The following CRLF3 variants were observed in gnomAD, a reference collection of about 807,000 sequenced individuals.
The protein encoded by CRLF3 is cytokine receptor-like factor 3.
Under a neutral mutation model 55.0 loss-of-function variants are expected in CRLF3, and 33 were observed. The observed-to-expected ratio is 0.60, with a 90% CI of 0.46 to 0.80. The LOEUF (loss-of-function observed/expected upper bound fraction) is 0.80. Among genes scored for constraint, CRLF3 ranks in the 30% least tolerant of loss-of-function variants. The pLI, the probability that CRLF3 is intolerant of heterozygous loss-of-function variation, is 0.00. For missense variants in CRLF3, 494 were observed against 538.4 expected, an observed-to-expected ratio of 0.92 and a Z score of 0.82; for synonymous variants, 238 against 196.8, an observed-to-expected ratio of 1.21 and a Z score of -1.75.
chr17:30,796,771 T>G (rs981626378), intron 3 of CRLF3, among the ~76,000 whole-genome samples: 2 of 150,884 alleles, frequency 1.3e-5, no homozygotes, highest in Non-Finnish European at 3.0e-5. Context: ...TCCCCTAGGC[T>G]GGAGTGCTGT....
chr17:30,792,651 T>A, intron 5 of CRLF3, 79 bp from the exon 6 acceptor site: 1 of 1,337,066 alleles, frequency 7.5e-7, no homozygotes, highest in Non-Finnish European at 1.0e-6. Flanking sequence ...AAATAAAACA[T>A]GGAAATGGGA....
intron 2 of CRLF3, among the ~76,000 whole-genome samples, 173 bp from the exon 3 acceptor site, chr17:30,797,571 T>A (rs1055908177): frequency 6.6e-6 from 1 of 152,094 alleles, no homozygotes; most frequent in African/African-American, 2.4e-5. Context: ...GACTCTAAGA[T>A]CAAATCCAAG....
Position 30,784,557 on chromosome 17 carries a change from T to A in CRLF3, c.1073-114A>T. 3.3e-6 allele frequency: 3 copies of A among 915,542 alleles called. 1 individual carries two copies. Among genetic ancestry groups the A allele is most frequent in the Non-Finnish European group, 5.0e-6 (3 of 602,670 alleles). 56.7% of individuals were successfully genotyped at this position (915,542 alleles called of 1,614,324 possible). A position where few individuals can be genotyped will look rare whatever the true frequency, so the allele number is the denominator to read the frequency against. On this transcript the variant is annotated intron_variant, in intron 7 of 7. Coordinates refer to ENST00000324238, the MANE Select transcript of CRLF3 (RefSeq NM_015986.4). ...TTCCTAATTCAGATTTTAAAAAATC[T>A]GGAATGCCAACTGGACATAGATTTT...
chr17:30,820,665 G>A (rs533523001), intron 1 of CRLF3, among the ~76,000 whole-genome samples: 4 of 152,094 alleles, frequency 2.6e-5, no homozygotes, highest in African/African-American at 9.6e-5. Context: ...GGTGGCAGAC[G>A]CCTGTAATCC....
intron 1 of CRLF3, among the ~76,000 whole-genome samples, 161 bp from the exon 2 acceptor site, chr17:30,804,269 C>G (rs918760023): frequency 1.3e-5 from 2 of 152,148 alleles, no homozygotes; most frequent in African/African-American, 4.8e-5. Flanking sequence ...TTTTGATACA[C>G]ATATACATAG....
chr17:30,817,509 A>T (rs1280556203), intron 1 of CRLF3, among the ~76,000 whole-genome samples: 3 of 152,158 alleles, frequency 2.0e-5, no homozygotes, highest in African/African-American at 2.4e-5. Context: ...TTATAATGCT[A>T]ACAAAATGCT....
intron 3 of CRLF3, 152 bp from the exon 4 acceptor site, chr17:30,796,489 G>T (rs1045585820): frequency 1.8e-5 from 10 of 566,920 alleles, no homozygotes; most frequent in African/African-American, 1.5e-4. Flanking sequence ...GTTACACAAA[G>T]ATTCTCTTTT....
chr17:30,796,432 G>A (rs1971919672), intron 3 of CRLF3, 95 bp from the exon 4 acceptor site: 3 of 869,042 alleles, frequency 3.5e-6, no homozygotes, highest in East Asian at 2.7e-5. Context: ...GAAAGATCCT[G>A]AAGCCCCCAG....
intron 6 of CRLF3, among the ~76,000 whole-genome samples, chr17:30,788,066 C>T (rs140897539): frequency 1.3e-4 from 20 of 151,942 alleles, no homozygotes; most frequent in African/African-American, 4.6e-4. Flanking sequence ...CAGTGGCTCA[C>T]GCCTGTAATC....
At chr17:30,817,351 T>C (rs921968064) in intron 1 of CRLF3, among the ~76,000 whole-genome samples, 1 of 151,728 alleles carries the variant, frequency 6.6e-6, no homozygotes, top group Non-Finnish European at 1.5e-5. Flanking sequence ...GGCAGGAGAA[T>C]TGCTTGAACC....
At chr17:30,805,281 A>G (rs1904360577) in intron 1 of CRLF3, among the ~76,000 whole-genome samples, 1 of 152,210 alleles carries the variant, frequency 6.6e-6, no homozygotes. Context: ...GCACATTGTT[A>G]TACTCGCTAA....
At chr17:30,788,126 AG>A (rs1228622670) in intron 6 of CRLF3, among the ~76,000 whole-genome samples, 3 of 152,048 alleles carry the variant, frequency 2.0e-5, no homozygotes, top group Non-Finnish European at 4.4e-5. Context: ...CAGGAGATTG[AG>A]ACCATCCTGG....
intron 1 of CRLF3, among the ~76,000 whole-genome samples, chr17:30,813,661 G>T (rs1904692893): frequency 6.6e-6 from 1 of 151,542 alleles, no homozygotes; most frequent in East Asian, 1.9e-4. Context: ...GTGCAGGTTT[G>T]TTACATATGT....
intron 5 of CRLF3, 27 bp from the exon 6 acceptor site, chr17:30,792,599 C>CTGT: frequency 2.5e-6 from 4 of 1,581,950 alleles, no homozygotes; most frequent in Non-Finnish European, 3.5e-6. Context: ...ATATTGAAAA[C>CTGT]TGTTAGAATC....
intron 6 of CRLF3, among the ~76,000 whole-genome samples, chr17:30,790,376 C>G (rs944902201): frequency 2.0e-5 from 3 of 151,914 alleles, no homozygotes; most frequent in African/African-American, 7.3e-5. Context: ...AGAAACATGA[C>G]TATAAAGAAT....
chr17:30,821,898 T>C lies in CRLF3; in HGVS notation c.129+2625A>G, dbSNP rs1338369589. ...ATTGTAAACTTTAAGGCATGACTTT[T>C]ACGGTGTGTGAATTATATCTCAATA... On this transcript the variant is annotated intron_variant, in intron 1 of 7. Transcript: ENST00000324238. Among the ~76,000 whole-genome samples, 3 of 151,956 alleles carry C rather than the reference T, an allele frequency of 2.0e-5. No homozygotes were observed. The East Asian group carries it at 5.8e-4, about 29-fold the overall frequency.
chr17:30,785,886 T>C (rs1420767096), intron 7 of CRLF3, 33 bp downstream of exon 7: 1 of 1,115,918 alleles, frequency 9.0e-7, no homozygotes, highest in Non-Finnish European at 1.4e-6. Flanking sequence ...AATTAATATA[T>C]TTCCAAGAGA....
At position 30,791,524 on chromosome 17, in the gene CRLF3, T is replaced by TG. The variant is rs1212404783; in HGVS notation, c.959+915_959+916insC. Among the ~76,000 whole-genome samples, 49 of 144,330 alleles carry TG rather than the reference T, an allele frequency of 3.4e-4. 1 individual carries two copies. The East Asian group carries it at 5.3e-3, about 16-fold the overall frequency. The allele number at this position is 144,330 out of a possible 152,430, so 94.7% of individuals were successfully genotyped here. On this transcript the variant is annotated intron_variant, in intron 6 of 7. Transcript: ENST00000324238. Reference sequence around the variant, plus strand: ...GTCCAGTCTCTTGGCCTCTAAAATTTTTTTTTTTTTTGAAACGGAGTCTTG... The same window carrying TG: ...GTCCAGTCTCTTGGCCTCTAAAATTTGTTTTTTTTTTTGAAACGGAGTCTTG...
intron 6 of CRLF3, among the ~76,000 whole-genome samples, chr17:30,787,073 T>C (rs953003162): frequency 2.0e-5 from 3 of 152,168 alleles, no homozygotes; most frequent in Admixed American, 2.0e-4. Flanking sequence ...TGACCTCAGG[T>C]GATCCACCCT....
Sources: allele counts gnomAD v4.1 joint callset (sites outside exome capture counted in the v4.1 genomes callset), GRCh38; gene constraint gnomAD v4.1.1; transcripts MANE v1.5; gene names NCBI Gene and HGNC (gene_info 2026-07-23, HGNC 2026-07-21).